Variants in SYNE2 observed in about 807,000 individuals in gnomAD.
SYNE2 encodes the protein spectrin repeat containing nuclear envelope protein 2, also known as nesprin-2.
In SYNE2, 431 loss-of-function variants were observed where a neutral mutation model predicts 856.3. The ratio of observed to expected loss-of-function variants is 0.50; its 90% CI spans 0.47 to 0.55. The LOEUF (loss-of-function observed/expected upper bound fraction) is 0.55, where lower values mean the gene tolerates loss of function less well. SYNE2 is among the 20% of genes least tolerant of loss of function. The pLI, the probability that SYNE2 is intolerant of heterozygous loss-of-function variation, is 0.00. For synonymous variants in SYNE2, 2,923 were observed against 2,872.3 expected (o/e 1.02, Z -0.56); for missense variants, 8,129 against 8,023.2 (o/e 1.01, Z -0.50).
At chr14:63,890,829 G>A (rs980323200) in intron 1 of SYNE2, among the ~76,000 whole-genome samples, 1 of 152,186 alleles carries the variant, frequency 6.6e-6, no homozygotes, top group Non-Finnish European at 1.5e-5. Context: ...TTTTATGCCT[G>A]TTATGACAAG....
chr14:64,016,680 T>A (rs1339280895), intron 33 of SYNE2, 49 bp downstream of exon 33: 17 of 1,248,180 alleles, frequency 1.4e-5, no homozygotes, highest in Non-Finnish European at 1.6e-5. Context: ...TTCCAATATT[T>A]TGGTGTATCT....
chr14:64,201,477 G>C (rs556082391), intron 99 of SYNE2, among the ~76,000 whole-genome samples: 1 of 152,206 alleles, frequency 6.6e-6, no homozygotes, highest in Non-Finnish European at 1.5e-5. Flanking sequence ...TGTCCTGGTG[G>C]GTGCACAGTG....
chr14:64,117,819 C>G (rs2097863311), intron 66 of SYNE2, among the ~76,000 whole-genome samples: 1 of 152,118 alleles, frequency 6.6e-6, no homozygotes, highest in African/African-American at 2.4e-5. Flanking sequence ...TACTAAGTAA[C>G]TAATGAGCCG....
At position 64,059,630 on chromosome 14, in the gene SYNE2, G is replaced by A. The variant is rs115185633; in HGVS notation, c.10068-3121G>A. On this transcript the variant is annotated intron_variant, in intron 49 of 115. Coordinates refer to ENST00000555002, the MANE Select transcript of SYNE2 (RefSeq NM_182914.3). Reference sequence around the variant, plus strand: ...CTGAATCAGACCTGAAGTCAGCACAGCATCAGCACTGGGCCTTGCCCAAGG... The same window carrying A: ...CTGAATCAGACCTGAAGTCAGCACAACATCAGCACTGGGCCTTGCCCAAGG... Among the ~76,000 whole-genome samples the A allele has an allele frequency of 5.5e-3, 836 of 152,346 alleles. 8 individuals carry two copies. The highest frequency in any genetic ancestry group is 0.019 in the African/African-American group (797 of 41,580).
intron 51 of SYNE2, among the ~76,000 whole-genome samples, chr14:64,069,729 A>G (rs969249035): frequency 2.0e-5 from 3 of 152,204 alleles, no homozygotes; most frequent in African/African-American, 4.8e-5. Flanking sequence ...GCCCCAGGCC[A>G]CTAGACCCCT....
At chr14:63,918,651 C>T (rs1389975830) in intron 2 of SYNE2, among the ~76,000 whole-genome samples, 1 of 152,046 alleles carries the variant, frequency 6.6e-6, no homozygotes, top group African/African-American at 2.4e-5. Flanking sequence ...AAAGAGTAGC[C>T]ACGCGCTTTT....
chr14:64,188,997 G>A (rs1222133757), intron 98 of SYNE2: 3 of 702,326 alleles, frequency 4.3e-6, no homozygotes, highest in Admixed American at 2.0e-5. Context: ...TTACATGTCA[G>A]CTGATACCCC....
At chr14:63,848,238 C>T (rs1415673601), upstream of SYNE2, 1 of 152,062 alleles carries the variant, frequency 6.6e-6, no homozygotes, top group Non-Finnish European at 1.5e-5. Flanking sequence ...TCCAGCAGGT[C>T]TATGTTATTA....
chr14:63,999,083 A>G (rs2096734526), intron 27 of SYNE2, 43 bp downstream of exon 27: 1 of 1,586,458 alleles, frequency 6.3e-7, no homozygotes, highest in South Asian at 1.1e-5. Flanking sequence ...CTTGTTTATT[A>G]GAAAATAGTA....
intron 75 of SYNE2, 71 bp from the exon 76 acceptor site, chr14:64,129,977 T>C (rs1018146355): frequency 1.2e-6 from 2 of 1,613,620 alleles, no homozygotes; most frequent in Admixed American, 1.7e-5. Flanking sequence ...CCAGCAGAGT[T>C]TAGATTTGTC....
chr14:64,118,763 A>G (rs1394021103), intron 66 of SYNE2, among the ~76,000 whole-genome samples: 1 of 151,328 alleles, frequency 6.6e-6, no homozygotes, highest in Non-Finnish European at 1.5e-5. Flanking sequence ...CGGGAGGCTG[A>G]GGCAGGAGAA....
At chr14:63,983,151 G>A (rs182378834) in intron 17 of SYNE2, among the ~76,000 whole-genome samples, 33 of 152,274 alleles carry the variant, frequency 2.2e-4, no homozygotes, top group African/African-American at 7.2e-4. Context: ...GAATGTAATC[G>A]TACTTCATTC....
rs2153715407 is a variant in SYNE2, at chr14:64,162,087, C to T, written c.16110C>T (p.Asn5370=). 6.2e-7 allele frequency: 1 copy of T among 1,614,154 alleles called. No individual in the cohort carries two copies. Among genetic ancestry groups the T allele is most frequent in the East Asian group, 2.2e-5 (1 of 44,880 alleles). Residue 5370 remains asparagine (N), a synonymous_variant, in exon 88 of 116, where the codon AAC becomes AAT. Transcript: ENST00000555002. ...QNTHKRWTQV[N]QAIADQLQKA... ...GCACTGACAGGTGGACTCAGGTGAA[C>T]CAAGCCATTGCAGACCAGTTGCAGA...
intron 1 of SYNE2, among the ~76,000 whole-genome samples, chr14:63,809,536 G>A (rs1384858686): frequency 6.6e-6 from 1 of 152,196 alleles, no homozygotes; most frequent in Non-Finnish European, 1.5e-5. Flanking sequence ...CTGGAGTGCG[G>A]GGGCATGATC....
At chr14:64,215,558 G>A (rs575693754) in intron 107 of SYNE2, 25 of 638,812 alleles carry the variant, frequency 3.9e-5, no homozygotes, top group Admixed American at 2.0e-4. Flanking sequence ...GAGCCGTCTC[G>A]ATGCCAACCC....
intron 1 of SYNE2, among the ~76,000 whole-genome samples, chr14:63,862,058 T>C (rs7146821): frequency 0.63 from 95,991 of 152,034 alleles, 30,786 homozygotes; most frequent in South Asian, 0.77. Context: ...AAGCAAATTT[T>C]ATACATCATA....
At chr14:64,131,784 C>T (rs1475693753) in intron 76 of SYNE2, among the ~76,000 whole-genome samples, 2 of 152,114 alleles carry the variant, frequency 1.3e-5, no homozygotes. Context: ...CTCAAAACAA[C>T]TGATTTAGAA....
chr14:64,134,254 T>C (rs1173224680), intron 78 of SYNE2, 54 bp downstream of exon 78: 1 of 1,595,384 alleles, frequency 6.3e-7, no homozygotes, highest in African/African-American at 1.3e-5. Context: ...CTTTGTGTTT[T>C]ACATTTGTTT....
chr14:63,833,264 A>T (rs1356122854), intron 1 of SYNE2, among the ~76,000 whole-genome samples: 1 of 152,136 alleles, frequency 6.6e-6, no homozygotes, highest in African/African-American at 2.4e-5. Flanking sequence ...TATGTTACAT[A>T]CTGCTCTTTC....
Sources: gnomAD v4.1 joint callset for allele counts (sites outside exome capture counted in the v4.1 genomes callset) on GRCh38, gnomAD v4.1.1 for gene constraint, MANE v1.5 for transcripts, NCBI Gene and HGNC (gene_info 2026-07-23, HGNC 2026-07-21) for gene names.